The following DLG2 variants were observed in gnomAD, a reference collection of about 807,000 sequenced individuals.
DLG2 encodes the protein discs large MAGUK scaffold protein 2.
DLG2 carries 45 observed loss-of-function variants against 132.5 expected under a neutral mutation model. The observed-to-expected ratio is 0.34, with a 90% CI of 0.27 to 0.44. DLG2 has a LOEUF of 0.44. DLG2 is among the 20% of genes least tolerant of loss of function. The pLI, the probability that DLG2 is intolerant of heterozygous loss-of-function variation, is 1.00. For synonymous variants in DLG2, 424 were observed against 419.6 expected (o/e 1.01, Z -0.13); for missense variants, 1,045 against 1,196.9 (o/e 0.87, Z 1.87).
intron 19 of DLG2, among the ~76,000 whole-genome samples, chr11:83,610,976 G>A (rs982594172): frequency 2.0e-5 from 3 of 152,082 alleles, no homozygotes; most frequent in Non-Finnish European, 2.9e-5. Context: ...CTTTTAAATG[G>A]ATCACTATTC....
intron 18 of DLG2, among the ~76,000 whole-genome samples, chr11:83,634,034 T>G (rs1051988145): frequency 9.9e-5 from 15 of 152,194 alleles, no homozygotes; most frequent in African/African-American, 3.6e-4. Flanking sequence ...CTCTAGTTAC[T>G]CTCAGCCTGA....
At chr11:84,666,058 C>A (rs2099699439) in intron 6 of DLG2, among the ~76,000 whole-genome samples, 1 of 152,172 alleles carries the variant, frequency 6.6e-6, no homozygotes, top group Admixed American at 6.5e-5. Context: ...AGGAATTCGG[C>A]TAACACATAG....
intron 3 of DLG2, among the ~76,000 whole-genome samples, chr11:85,498,126 C>T (rs754092500): frequency 6.6e-6 from 1 of 152,130 alleles, no homozygotes; most frequent in Admixed American, 6.5e-5. Context: ...TTAAAAGACA[C>T]AGACTGGCAA....
At chr11:83,953,550 C>T (rs910325315) in intron 14 of DLG2, among the ~76,000 whole-genome samples, 1 of 152,184 alleles carries the variant, frequency 6.6e-6, no homozygotes, top group Admixed American at 6.5e-5. Flanking sequence ...AAAGTGGTCC[C>T]TGGTGCCAAA....
intron 5 of DLG2, among the ~76,000 whole-genome samples, chr11:85,131,510 A>T (rs540243903): frequency 3.9e-5 from 6 of 152,242 alleles, no homozygotes; most frequent in Non-Finnish European, 7.4e-5. Flanking sequence ...AAGATTTTTT[A>T]AAATTTATTT....
At chr11:85,416,502 G>A (rs2089863473) in intron 3 of DLG2, among the ~76,000 whole-genome samples, 1 of 152,106 alleles carries the variant, frequency 6.6e-6, no homozygotes, top group Non-Finnish European at 1.5e-5. Context: ...GCTTGATGGG[G>A]ATAGCATTGA....
At chr11:84,475,190 C>T (rs927913521) in intron 7 of DLG2, among the ~76,000 whole-genome samples, 2 of 152,030 alleles carry the variant, frequency 1.3e-5, no homozygotes, top group Non-Finnish European at 2.9e-5. Flanking sequence ...AGACATGTGA[C>T]GTCTGTCTTT....
At chr11:84,102,273 T>C (rs558383076) in intron 9 of DLG2, among the ~76,000 whole-genome samples, 1 of 152,308 alleles carries the variant, frequency 6.6e-6, no homozygotes, top group Admixed American at 6.6e-5. Context: ...ACTGGGCTTG[T>C]AGAAGGCAGG....
intron 18 of DLG2, among the ~76,000 whole-genome samples, chr11:83,658,594 C>T (rs530775119): frequency 3.3e-5 from 5 of 152,312 alleles, no homozygotes; most frequent in African/African-American, 1.2e-4. Flanking sequence ...ACAATAAGTG[C>T]TTTTAGCTTA....
chr11:85,501,902 T>A (rs959181772), intron 3 of DLG2, among the ~76,000 whole-genome samples: 2 of 152,036 alleles, frequency 1.3e-5, no homozygotes, highest in African/African-American at 4.8e-5. Flanking sequence ...ATTTGACCCA[T>A]CAATCCGATT....
chr11:85,427,158 C>T (rs2090817101), intron 3 of DLG2, among the ~76,000 whole-genome samples: 1 of 152,128 alleles, frequency 6.6e-6, no homozygotes. Flanking sequence ...GATTGGTGTA[C>T]CTGAAAGTGA....
intron 15 of DLG2, among the ~76,000 whole-genome samples, chr11:83,908,626 C>A (rs2075471753): frequency 6.6e-6 from 1 of 152,110 alleles, no homozygotes; most frequent in Admixed American, 6.6e-5. Context: ...TCTAACTGAG[C>A]CATTCCTAGC....
At chr11:83,644,772 C>T (rs775915835) in intron 18 of DLG2, among the ~76,000 whole-genome samples, 6 of 150,844 alleles carry the variant, frequency 4.0e-5, no homozygotes, top group Non-Finnish European at 5.9e-5. Flanking sequence ...AAAAATTGTT[C>T]CCCTAATTTT....
chr11:85,554,926 G>C lies in DLG2; in HGVS notation c.40+43731C>G, dbSNP rs957156365. On this transcript the variant is annotated intron_variant, in intron 3 of 27. Coordinates refer to ENST00000376104, the MANE Select transcript of DLG2 (RefSeq NM_001142699.3). Reference sequence around the variant, plus strand: ...CACCCAGAGGCTGACAGTGCACAAGGATCATTTTCCACACACATATGATTT... The same window carrying C: ...CACCCAGAGGCTGACAGTGCACAAGCATCATTTTCCACACACATATGATTT... Among the ~76,000 whole-genome samples, 3 of 151,452 alleles carry C rather than the reference G, an allele frequency of 2.0e-5. No homozygotes were observed. In the South Asian group the frequency reaches 6.3e-4, roughly 32 times the overall value.
At chr11:83,594,636 T>C (rs2097253492) in intron 19 of DLG2, among the ~76,000 whole-genome samples, 1 of 152,192 alleles carries the variant, frequency 6.6e-6, no homozygotes, top group African/African-American at 2.4e-5. Flanking sequence ...AGAAGCCATG[T>C]ATAAAGGATA....
rs572579781 is a variant in DLG2 at position 83,935,166 on chromosome 11, C to T, written c.1341-4683G>A. Among the ~76,000 whole-genome samples, 69 of 152,230 alleles carry T rather than the reference C, an allele frequency of 4.5e-4. 1 individual carries two copies. In the South Asian group the frequency reaches 0.013, roughly 29 times the overall value. ...ACTGCATTAATTATAGCAGCTGGGA[C>T]GTCAAGGGCTCAGATGCCTAAGTAT... On this transcript the variant is annotated intron_variant, in intron 14 of 27. Coordinates refer to ENST00000376104, the MANE Select transcript of DLG2 (RefSeq NM_001142699.3).
At chr11:84,814,010 A>G in intron 6 of DLG2, among the ~76,000 whole-genome samples, 1 of 152,146 alleles carries the variant, frequency 6.6e-6, no homozygotes, top group Non-Finnish European at 1.5e-5. Context: ...ATTCCTGCAG[A>G]GTAACCCCTT....
In DLG2 at chr11:84,909,742, G is replaced by A. The variant is rs552606291; in HGVS notation, c.357+201919C>T. On this transcript the variant is annotated intron_variant, in intron 6 of 27. Transcript: ENST00000376104. The stretch of plus-strand genomic sequence containing the variant: ...AGGGCTTTCACTACTCAGTGAAATT[G>A]CAGTGAACAAGATAGACATTTTATG... Among the ~76,000 whole-genome samples, 21 of 152,270 alleles carry A rather than the reference G, an allele frequency of 1.4e-4. 1 individual carries two copies. The South Asian group carries it at 2.3e-3, about 17-fold the overall frequency.
chr11:84,541,371 T>A (rs528016172), intron 6 of DLG2, among the ~76,000 whole-genome samples: 1 of 152,092 alleles, frequency 6.6e-6, no homozygotes, highest in South Asian at 2.1e-4. Context: ...CCCGTCCCCG[T>A]TCTGAAGCTT....
Sources: gnomAD v4.1 joint callset for allele counts (sites outside exome capture counted in the v4.1 genomes callset) on GRCh38, gnomAD v4.1.1 for gene constraint, MANE v1.5 for transcripts, NCBI Gene and HGNC (gene_info 2026-07-23, HGNC 2026-07-21) for gene names.